The following PDSS2 variants were observed in gnomAD, a reference collection of about 807,000 sequenced individuals.
PDSS2 encodes decaprenyl diphosphate synthase subunit 2, also known as all trans-polyprenyl-diphosphate synthase PDSS2.
A neutral mutation model predicts 44.5 loss-of-function variants in PDSS2; 31 were observed. That is an observed-to-expected ratio of 0.70 (90% confidence interval 0.52 to 0.94). The LOEUF is 0.94. PDSS2 is among the 40% of genes least tolerant of loss of function. The probability of loss-of-function intolerance (pLI) is 0.00; values close to 1 mark genes in which losing one functional copy is unlikely to be tolerated. For synonymous variants in PDSS2, 157 were observed against 180.3 expected, an observed-to-expected ratio of 0.87 and a Z score of 1.03; for missense variants, 452 against 482.2, an observed-to-expected ratio of 0.94 and a Z score of 0.59.
At chr6:107,279,843 A>G (rs1474502318) in intron 2 of PDSS2, among the ~76,000 whole-genome samples, 1 of 152,198 alleles carries the variant, frequency 6.6e-6, no homozygotes, top group Non-Finnish European at 1.5e-5. Flanking sequence ...GTAACTCTGG[A>G]TCATATTTTG....
At chr6:107,231,277 T>C (rs1423088242) in intron 4 of PDSS2, among the ~76,000 whole-genome samples, 2 of 152,124 alleles carry the variant, frequency 1.3e-5, no homozygotes, top group East Asian at 3.9e-4. Context: ...AGCATCAAAA[T>C]AAAAGACTGT....
chr6:107,207,987 T>TG (rs1039037805), intron 6 of PDSS2, among the ~76,000 whole-genome samples: 1 of 144,030 alleles, frequency 6.9e-6, no homozygotes, highest in African/African-American at 2.5e-5. Context: ...TGTTTTTTTT[T>TG]TTTTTTTTTT....
chr6:107,425,464 G>A (rs748494138), intron 1 of PDSS2, among the ~76,000 whole-genome samples: 5 of 152,166 alleles, frequency 3.3e-5, no homozygotes, highest in African/African-American at 7.2e-5. Context: ...GTTGGGAACC[G>A]GAGCAAAGGT....
At chr6:107,400,658 G>A (rs1262797158) in intron 1 of PDSS2, among the ~76,000 whole-genome samples, 1 of 152,184 alleles carries the variant, frequency 6.6e-6, no homozygotes, top group Non-Finnish European at 1.5e-5. Context: ...AAGCTGTGGA[G>A]CTCAAGCAGT....
At chr6:107,264,466 C>G in intron 3 of PDSS2, 1 of 1,549,374 alleles carries the variant, frequency 6.5e-7, no homozygotes, top group Non-Finnish European at 8.7e-7. Flanking sequence ...GGCTGACTCA[C>G]AGTCTCCCAT....
intron 7 of PDSS2, among the ~76,000 whole-genome samples, chr6:107,167,106 C>T (rs1771379549): frequency 6.6e-6 from 1 of 152,140 alleles, no homozygotes; most frequent in Non-Finnish European, 1.5e-5. Context: ...CCATCTGGTC[C>T]TGGACTTTTT....
chr6:107,160,963 C>G (rs960714701), intron 7 of PDSS2, among the ~76,000 whole-genome samples: 3 of 151,902 alleles, frequency 2.0e-5, no homozygotes, highest in Admixed American at 1.3e-4. Flanking sequence ...GTCTCGAACT[C>G]CTGACCTCAG....
chr6:107,196,930 G>C (rs1027461375), intron 6 of PDSS2, among the ~76,000 whole-genome samples: 1 of 152,014 alleles, frequency 6.6e-6, no homozygotes, highest in Non-Finnish European at 1.5e-5. Flanking sequence ...GAGAACTTCT[G>C]GGGAGCTGAA....
At chr6:107,400,552 G>C (rs1780075364) in intron 1 of PDSS2, among the ~76,000 whole-genome samples, 1 of 152,116 alleles carries the variant, frequency 6.6e-6, no homozygotes, top group Non-Finnish European at 1.5e-5. Flanking sequence ...TTGTGACTTG[G>C]CTGGCTGTCT....
At chr6:107,240,917 A>C (rs1471117540) in intron 4 of PDSS2, among the ~76,000 whole-genome samples, 2 of 152,116 alleles carry the variant, frequency 1.3e-5, no homozygotes, top group African/African-American at 4.8e-5. Context: ...GGATAGAACA[A>C]AGGATGAATT....
intron 2 of PDSS2, among the ~76,000 whole-genome samples, chr6:107,291,185 T>C (rs900784131): frequency 6.6e-6 from 1 of 152,180 alleles, no homozygotes; most frequent in African/African-American, 2.4e-5. Context: ...TAAGTTGTGA[T>C]AATTAGATAA....
chr6:107,276,178 G>A (rs1296115866), intron 2 of PDSS2, among the ~76,000 whole-genome samples: 1 of 151,366 alleles, frequency 6.6e-6, no homozygotes, highest in Non-Finnish European at 1.5e-5. Context: ...CAAGAACAAT[G>A]GAGAAGAGTG....
intron 3 of PDSS2, among the ~76,000 whole-genome samples, chr6:107,259,315 G>T (rs1775133723): frequency 6.6e-6 from 1 of 152,000 alleles, no homozygotes; most frequent in South Asian, 2.1e-4. Context: ...AATTCTGAGA[G>T]GTAAAATGAA....
chr6:107,216,275 C>A (rs867389317), intron 4 of PDSS2, among the ~76,000 whole-genome samples: 2 of 151,960 alleles, frequency 1.3e-5, no homozygotes, highest in African/African-American at 2.4e-5. Flanking sequence ...GAGTTTGAGA[C>A]CAGCCTGACC....
chr6:107,432,730 C>G (rs1781230229), intron 1 of PDSS2, among the ~76,000 whole-genome samples: 1 of 151,978 alleles, frequency 6.6e-6, no homozygotes, highest in Non-Finnish European at 1.5e-5. Context: ...TGCACTCCAG[C>G]CTGGGCGACT....
At chr6:107,421,700 T>A (rs990984253) in intron 1 of PDSS2, among the ~76,000 whole-genome samples, 4 of 151,532 alleles carry the variant, frequency 2.6e-5, no homozygotes, top group Non-Finnish European at 4.4e-5. Flanking sequence ...TGCTGCACTT[T>A]GTAGTCTCAA....
At chr6:107,392,578 C>T (rs1350516684) in intron 1 of PDSS2, among the ~76,000 whole-genome samples, 1 of 152,148 alleles carries the variant, frequency 6.6e-6, no homozygotes, top group East Asian at 1.9e-4. Flanking sequence ...ACACATAAGG[C>T]TTTCACAGCA....
intron 1 of PDSS2, among the ~76,000 whole-genome samples, chr6:107,340,141 G>C (rs1380427496): frequency 2.6e-5 from 4 of 151,884 alleles, no homozygotes; most frequent in Non-Finnish European, 4.4e-5. Context: ...ATACTACATA[G>C]TCCTGGAAAA....
chr6:107,326,683 C>G (rs1354951887), intron 2 of PDSS2, among the ~76,000 whole-genome samples: 2 of 151,720 alleles, frequency 1.3e-5, no homozygotes, highest in Non-Finnish European at 2.9e-5. Context: ...GAAACCCTGT[C>G]TCTACTAAAA....
Sources: gnomAD v4.1 joint callset for allele counts (sites outside exome capture counted in the v4.1 genomes callset) on GRCh38, gnomAD v4.1.1 for gene constraint, MANE v1.5 for transcripts, NCBI Gene and HGNC (gene_info 2026-07-23, HGNC 2026-07-21) for gene names.